SDK1: variants seen among roughly 807,000 people sequenced by gnomAD.
SDK1 encodes protein sidekick-1.
A neutral mutation model predicts 245.5 loss-of-function variants in SDK1; 157 were observed. The ratio of observed to expected loss-of-function variants is 0.64; its 90% confidence interval spans 0.56 to 0.73. The LOEUF is 0.73. SDK1 is among the 30% of genes least tolerant of loss of function. The pLI, the probability that SDK1 is intolerant of heterozygous loss-of-function variation, is 0.00. For missense variants in SDK1, 3,583 were observed against 3,002.3 expected (o/e 1.19, Z -4.52); for synonymous variants, 1,647 against 1,278.5 (o/e 1.29, Z -6.15).
chr7:3,799,428 G>T (rs758476197), intron 4 of SDK1, among the ~76,000 whole-genome samples: 1 of 151,852 alleles, frequency 6.6e-6, no homozygotes, highest in Non-Finnish European at 1.5e-5. Context: ...ATCCTGGCCA[G>T]GTGCAGTGGC....
At chr7:3,684,671 A>C (rs1268371753) in intron 4 of SDK1, among the ~76,000 whole-genome samples, 1 of 152,252 alleles carries the variant, frequency 6.6e-6, no homozygotes, top group Non-Finnish European at 1.5e-5. Context: ...ATCAGAGATG[A>C]ATGTGATGTT....
intron 1 of SDK1, among the ~76,000 whole-genome samples, chr7:3,569,225 CAAGGAAAAACAG>C (rs778999183): frequency 5.8e-4 from 88 of 152,000 alleles, no homozygotes; most frequent in Non-Finnish European, 1.2e-3. Flanking sequence ...GCGAGAAAAA[CAAGGAAAAACAG>C]AAGTCGGAAT....
At chr7:3,559,272 TCAA>T (rs1779677196) in intron 1 of SDK1, among the ~76,000 whole-genome samples, 1 of 152,146 alleles carries the variant, frequency 6.6e-6, no homozygotes, top group African/African-American at 2.4e-5. Flanking sequence ...TGATAGCACA[TCAA>T]CACAGTAAGC....
chr7:3,597,710 C>T (rs1352439168), intron 1 of SDK1, among the ~76,000 whole-genome samples: 1 of 152,148 alleles, frequency 6.6e-6, no homozygotes. Flanking sequence ...GGGCTCAGTG[C>T]AGTGCAATGG....
In SDK1 at chr7:3,486,150, TTC is replaced by T. The variant is rs1781687740; in HGVS notation, c.299-132928_299-132927del. On this transcript the variant is annotated intron_variant, in intron 1 of 44. Coordinates refer to ENST00000404826, the MANE Select transcript of SDK1 (RefSeq NM_152744.4). The stretch of plus-strand genomic sequence containing the variant: ...TTCTATGGTTATTTGGTCTTTTGTT[TTC>T]TTTTTTCTTATGAAAATTTTAGAAC... Among the ~76,000 whole-genome samples the T allele has an allele frequency of 2.6e-5, 4 of 152,220 alleles. No individual in the cohort carries two copies. In the South Asian group the frequency reaches 8.3e-4, roughly 32 times the overall value.
At chr7:3,707,669 G>A (rs1384385741) in intron 4 of SDK1, among the ~76,000 whole-genome samples, 5 of 152,040 alleles carry the variant, frequency 3.3e-5, no homozygotes, top group Non-Finnish European at 4.4e-5. Context: ...CCCTATTATC[G>A]TGTTTCTGTT....
At chr7:3,568,141 G>A (rs2128628560) in intron 1 of SDK1, among the ~76,000 whole-genome samples, 1 of 152,286 alleles carries the variant, frequency 6.6e-6, no homozygotes, top group East Asian at 1.9e-4. Flanking sequence ...TTTGAACAAT[G>A]ATCATTAAGA....
rs147487694 is a variant in SDK1, at chr7:3,676,470, C to T, written c.713+34365C>T. 2.6e-3 allele frequency among the ~76,000 whole-genome samples: 401 copies of T among 152,108 alleles called. 1 individual carries two copies. The highest frequency in any genetic ancestry group is 9.2e-3 in the African/African-American group (381 of 41,512). On this transcript the variant is annotated intron_variant, in intron 4 of 44. Coordinates refer to ENST00000404826, the MANE Select transcript of SDK1 (RefSeq NM_152744.4). Reference sequence around the variant, plus strand: ...CTTCCCAAGTAGCTGGGACTACAGGCGCCTGCCACCACGCCCAGCTAATTT... The same window carrying T: ...CTTCCCAAGTAGCTGGGACTACAGGTGCCTGCCACCACGCCCAGCTAATTT...
At chr7:3,774,193 C>G (rs765346566) in intron 4 of SDK1, among the ~76,000 whole-genome samples, 9 of 138,698 alleles carry the variant, frequency 6.5e-5, no homozygotes, top group African/African-American at 2.2e-4. Context: ...CCAGCCTGGG[C>G]GACAGAGCGA....
At chr7:3,829,483 CT>C (rs1427115568) in intron 5 of SDK1, among the ~76,000 whole-genome samples, 2 of 152,120 alleles carry the variant, frequency 1.3e-5, no homozygotes, top group Non-Finnish European at 2.9e-5. Context: ...GACACTGAGG[CT>C]CTAAGAGGTT....
At chr7:4,018,813 G>A (rs1423373888) in intron 17 of SDK1, among the ~76,000 whole-genome samples, 1 of 152,176 alleles carries the variant, frequency 6.6e-6, no homozygotes. Flanking sequence ...GCAAAATGCT[G>A]CATTAGGGGC....
At chr7:3,742,586 T>C (rs1353511627) in intron 4 of SDK1, among the ~76,000 whole-genome samples, 1 of 152,242 alleles carries the variant, frequency 6.6e-6, no homozygotes, top group Non-Finnish European at 1.5e-5. Context: ...CTTTGCCATG[T>C]CACTTCTCTT....
chr7:3,975,787 C>G (rs141911091), intron 13 of SDK1, among the ~76,000 whole-genome samples: 27 of 152,358 alleles, frequency 1.8e-4, no homozygotes, highest in African/African-American at 6.3e-4. Context: ...CCCTTGTTCT[C>G]TTTAGATAGC....
chr7:3,566,457 C>T (rs1199340474), intron 1 of SDK1, among the ~76,000 whole-genome samples: 1 of 151,970 alleles, frequency 6.6e-6, no homozygotes, highest in African/African-American at 2.4e-5. Flanking sequence ...GATCTCCTGA[C>T]CTCGTGATCT....
At chr7:3,806,170 C>T (rs1420590838) in intron 4 of SDK1, among the ~76,000 whole-genome samples, 2 of 152,246 alleles carry the variant, frequency 1.3e-5, no homozygotes, top group African/African-American at 4.8e-5. Context: ...ACTGCTGGGA[C>T]TTTGTCTCAC....
chr7:3,334,870 T>C (rs1780159063), intron 1 of SDK1, among the ~76,000 whole-genome samples: 2 of 152,180 alleles, frequency 1.3e-5, no homozygotes, highest in African/African-American at 4.8e-5. Flanking sequence ...GAAACCACTC[T>C]TGATTTTTCT....
chr7:4,108,430 G>A (rs73671547), intron 22 of SDK1, among the ~76,000 whole-genome samples: 1,794 of 150,820 alleles, frequency 0.012, 52 homozygotes, highest in African/African-American at 0.042. Context: ...CACTTTGGCT[G>A]AAGTGAGGAT....
intron 5 of SDK1, among the ~76,000 whole-genome samples, chr7:3,933,311 C>T (rs903717849): frequency 1.3e-5 from 2 of 151,954 alleles, no homozygotes; most frequent in Non-Finnish European, 2.9e-5. Context: ...CAGAGTTTTA[C>T]CATGTTGCCA....
At chr7:3,637,495 A>C (rs994117535) in intron 2 of SDK1, among the ~76,000 whole-genome samples, 1 of 152,168 alleles carries the variant, frequency 6.6e-6, no homozygotes, top group Non-Finnish European at 1.5e-5. Flanking sequence ...TTACTCTACC[A>C]TCTTGGGCAG....
Sources: allele counts gnomAD v4.1 joint callset (sites outside exome capture counted in the v4.1 genomes callset), GRCh38; gene constraint gnomAD v4.1.1; transcripts MANE v1.5; gene names NCBI Gene and HGNC (gene_info 2026-07-23, HGNC 2026-07-21).